Variants in FER1L6 observed in about 807,000 individuals in gnomAD.
FER1L6 encodes fer-1 like family member 6.
In FER1L6, 177 loss-of-function variants were observed where a neutral mutation model predicts 219.2. The observed-to-expected ratio is 0.81, with a 90% CI of 0.71 to 0.91. The LOEUF (loss-of-function observed/expected upper bound fraction) is 0.91, where lower values mean the gene tolerates loss of function less well. FER1L6 is among the 40% of genes least tolerant of loss of function. The pLI is 0.00. For synonymous variants in FER1L6, 768 were observed against 824.3 expected, an observed-to-expected ratio of 0.93 and a Z score of 1.17; for missense variants, 2,153 against 2,259.9, an observed-to-expected ratio of 0.95 and a Z score of 0.96.
At chr8:123,863,803 C>G (rs1437655899) in intron 1 of FER1L6, among the ~76,000 whole-genome samples, 2 of 149,724 alleles carry the variant, frequency 1.3e-5, no homozygotes, top group Admixed American at 1.3e-4. Context: ...GGATTGCAAC[C>G]CCTGCCTTTT....
intron 18 of FER1L6, among the ~76,000 whole-genome samples, chr8:124,029,156 T>A (rs1382162268): frequency 2.0e-5 from 3 of 152,202 alleles, no homozygotes; most frequent in Non-Finnish European, 4.4e-5. Flanking sequence ...GTATGTGCCA[T>A]GTTTTCTTTA....
intron 39 of FER1L6, among the ~76,000 whole-genome samples, chr8:124,113,138 T>A (rs1411142148): frequency 6.6e-6 from 1 of 152,172 alleles, no homozygotes; most frequent in East Asian, 1.9e-4. Flanking sequence ...CTCTTTATAT[T>A]CTCAAAATAA....
At chr8:124,089,157 G>A (rs1440553549) in intron 33 of FER1L6, among the ~76,000 whole-genome samples, 2 of 152,228 alleles carry the variant, frequency 1.3e-5, no homozygotes, top group Admixed American at 1.3e-4. Context: ...GGAGCTTGCT[G>A]AAACTCAACT....
chr8:123,969,753 C>A (rs557618202), intron 5 of FER1L6, among the ~76,000 whole-genome samples: 2 of 151,604 alleles, frequency 1.3e-5, no homozygotes, highest in Non-Finnish European at 2.9e-5. Flanking sequence ...GTAGTCCCAG[C>A]TACTCAGGAG....
intron 37 of FER1L6, among the ~76,000 whole-genome samples, chr8:124,098,283 A>G (rs1019389197): frequency 1.1e-4 from 17 of 152,180 alleles, no homozygotes; most frequent in Non-Finnish European, 2.2e-4. Context: ...TGCTGGTGGT[A>G]TTGATTAAAA....
chr8:123,930,023 C>T (rs62518726), intron 1 of FER1L6, among the ~76,000 whole-genome samples: 28,573 of 149,726 alleles, frequency 0.19, 2,909 homozygotes, highest in Non-Finnish European at 0.21. Context: ...TATTGAGAAA[C>T]GTAGATAACA....
intron 39 of FER1L6, among the ~76,000 whole-genome samples, chr8:124,116,076 C>T (rs1188296836): frequency 6.6e-6 from 1 of 152,144 alleles, no homozygotes; most frequent in Non-Finnish European, 1.5e-5. Flanking sequence ...TACTTTTTTT[C>T]TTCCAGAACA....
rs577436886 is a variant in FER1L6, at chr8:124,010,002, C to T, written c.1701-592C>T. Among the ~76,000 whole-genome samples the T allele has an allele frequency of 2.5e-4, 38 of 151,910 alleles. No homozygotes were observed. The East Asian group carries it at 4.8e-3, about 19-fold the overall frequency. The stretch of plus-strand genomic sequence containing the variant: ...TTTGAGGGTCTGCAAGCTGGCGACC[C>T]GGGGAGGAGAGGTCTTGTTCTAGTT... On this transcript the variant is annotated intron_variant, in intron 13 of 40. Transcript: ENST00000522917.
Position 123,876,703 on chromosome 8 carries a change from C to T in FER1L6, c.-8+24518C>T, listed in dbSNP as rs575662599. 4.6e-5 allele frequency among the ~76,000 whole-genome samples: 7 copies of T among 152,296 alleles called. No individual in the cohort carries two copies. In the South Asian group the frequency reaches 1.5e-3, roughly 32 times the overall value. On this transcript the variant is annotated intron_variant, in intron 1 of 40. Coordinates refer to ENST00000522917, the MANE Select transcript of FER1L6 (RefSeq NM_001039112.2). ...TTCTACACCTTGACCCCATCACTCT[C>T]TTCCCTTTAATCTGATTTTTTTTTC...
At chr8:124,105,992 G>C (rs796231106) in intron 39 of FER1L6, among the ~76,000 whole-genome samples, 5 of 152,266 alleles carry the variant, frequency 3.3e-5, no homozygotes, top group African/African-American at 1.2e-4. Flanking sequence ...CCAGGGACTG[G>C]GGTAGGGTAG....
At chr8:124,015,142 C>A (rs1397250667) in intron 15 of FER1L6, among the ~76,000 whole-genome samples, 1 of 152,090 alleles carries the variant, frequency 6.6e-6, no homozygotes, top group East Asian at 1.9e-4. Context: ...AACATCCTAG[C>A]AAGACAGAAG....
At chr8:124,000,356 C>T (rs982657045) in intron 12 of FER1L6, among the ~76,000 whole-genome samples, 6 of 152,148 alleles carry the variant, frequency 3.9e-5, no homozygotes, top group African/African-American at 1.2e-4. Context: ...GATCACTCAC[C>T]TGATTGCTGG....
intron 17 of FER1L6, among the ~76,000 whole-genome samples, chr8:124,023,233 A>C (rs1818541018): frequency 6.6e-6 from 1 of 152,152 alleles, no homozygotes; most frequent in Non-Finnish European, 1.5e-5. Context: ...CTTTTAACTC[A>C]TGACCTAAGT....
At chr8:124,062,069 T>C in intron 25 of FER1L6, 37 bp downstream of exon 25, 1 of 1,608,620 alleles carries the variant, frequency 6.2e-7, no homozygotes, top group Non-Finnish European at 8.5e-7. Flanking sequence ...GCTGTAACTA[T>C]AAAGTCATGG....
intron 17 of FER1L6, among the ~76,000 whole-genome samples, chr8:124,022,932 A>C (rs1388637363): frequency 1.3e-5 from 2 of 151,008 alleles, no homozygotes; most frequent in African/African-American, 2.5e-5. Context: ...TTTTTTTTTG[A>C]GATGGAGTCT....
intron 1 of FER1L6, among the ~76,000 whole-genome samples, chr8:123,878,542 A>G (rs989942267): frequency 3.9e-5 from 6 of 152,152 alleles, no homozygotes; most frequent in Admixed American, 3.3e-4. Flanking sequence ...GTCATATCTC[A>G]GGAGAAGGAT....
At chr8:123,927,706 C>T (rs77032968) in intron 1 of FER1L6, among the ~76,000 whole-genome samples, 8,535 of 152,162 alleles carry the variant, frequency 0.056, 784 homozygotes, top group African/African-American at 0.19. Context: ...ACTTTATTGA[C>T]GTTCACATTA....
At chr8:124,079,670 T>C (rs1381288986) in intron 32 of FER1L6, among the ~76,000 whole-genome samples, 2 of 152,172 alleles carry the variant, frequency 1.3e-5, no homozygotes, top group Admixed American at 1.3e-4. Context: ...CCATGGAACC[T>C]ACACCCTTAT....
intron 18 of FER1L6, among the ~76,000 whole-genome samples, chr8:124,033,078 G>C (rs4615556): frequency 2.6e-5 from 4 of 152,098 alleles, no homozygotes; most frequent in Non-Finnish European, 5.9e-5. Flanking sequence ...TGTGTGAAGA[G>C]AGAAACATTA....
Sources: gnomAD v4.1 joint callset for allele counts (sites outside exome capture counted in the v4.1 genomes callset) on GRCh38, gnomAD v4.1.1 for gene constraint, MANE v1.5 for transcripts, NCBI Gene and HGNC (gene_info 2026-07-23, HGNC 2026-07-21) for gene names.